ZFPM2: variants seen among roughly 807,000 people sequenced by gnomAD.
ZFPM2 encodes the protein zinc finger protein ZFPM2.
ZFPM2 carries 20 observed loss-of-function variants against 98.6 expected under a neutral mutation model. The observed-to-expected ratio is 0.20, with a 90% CI of 0.14 to 0.29. The LOEUF is 0.29. Ranked by LOEUF, ZFPM2 falls within the 10% of genes least tolerant of loss-of-function variation. The pLI is 1.00. For missense variants in ZFPM2, 1,310 were observed against 1,388.6 expected (o/e 0.94, Z 0.90); for synonymous variants, 518 against 502.7 (o/e 1.03, Z -0.41).
intron 5 of ZFPM2, among the ~76,000 whole-genome samples, chr8:105,734,780 T>G (rs1310205795): frequency 1.3e-5 from 2 of 151,932 alleles, no homozygotes; most frequent in Non-Finnish European, 2.9e-5. Flanking sequence ...TGTTGAAGTC[T>G]GCAAGCTACC....
intron 1 of ZFPM2, among the ~76,000 whole-genome samples, chr8:105,342,635 A>C (rs1442585939): frequency 6.6e-6 from 1 of 152,018 alleles, no homozygotes; most frequent in Non-Finnish European, 1.5e-5. Context: ...GCAAGTTCTT[A>C]ACTTATATTT....
At chr8:105,471,029 A>C (rs567640873) in intron 3 of ZFPM2, among the ~76,000 whole-genome samples, 4 of 152,258 alleles carry the variant, frequency 2.6e-5, no homozygotes, top group African/African-American at 7.2e-5. Flanking sequence ...CTTATTACAT[A>C]TTGAAAATCT....
At chr8:105,453,211 G>T (rs1812521812) in intron 3 of ZFPM2, among the ~76,000 whole-genome samples, 1 of 152,116 alleles carries the variant, frequency 6.6e-6, no homozygotes, top group Admixed American at 6.5e-5. Context: ...TCAGTGGTAG[G>T]CCCTAGGATA....
At chr8:105,579,695 G>A (rs1242630720) in intron 4 of ZFPM2, among the ~76,000 whole-genome samples, 1 of 152,124 alleles carries the variant, frequency 6.6e-6, no homozygotes, top group Non-Finnish European at 1.5e-5. Flanking sequence ...TCAGCCTCTC[G>A]TTGCACTGTG....
At chr8:105,715,816 G>C (rs938871741) in intron 5 of ZFPM2, among the ~76,000 whole-genome samples, 1 of 152,032 alleles carries the variant, frequency 6.6e-6, no homozygotes, top group African/African-American at 2.4e-5. Flanking sequence ...AAGCATTGTA[G>C]ATTCTTGGAC....
chr8:105,456,136 C>A (rs1454759617), intron 3 of ZFPM2, among the ~76,000 whole-genome samples: 2 of 143,372 alleles, frequency 1.4e-5, no homozygotes, highest in Non-Finnish European at 3.0e-5. Flanking sequence ...ATGGGGAAAA[C>A]CAGGAAAATG....
chr8:105,684,491 A>G (rs1298652170), intron 5 of ZFPM2, among the ~76,000 whole-genome samples: 1 of 152,140 alleles, frequency 6.6e-6, no homozygotes, highest in Non-Finnish European at 1.5e-5. Flanking sequence ...GCAGGGAGCC[A>G]AAAGAAAATA....
chr8:105,605,743 A>G (rs2130790858), intron 4 of ZFPM2, among the ~76,000 whole-genome samples: 1 of 152,160 alleles, frequency 6.6e-6, no homozygotes, highest in Admixed American at 6.6e-5. Flanking sequence ...ATATGTTGAG[A>G]ATTGCTCAGT....
intron 3 of ZFPM2, among the ~76,000 whole-genome samples, chr8:105,455,171 A>T (rs534881614): frequency 6.6e-6 from 1 of 152,316 alleles, no homozygotes; most frequent in South Asian, 2.1e-4. Flanking sequence ...AAAATTTTTT[A>T]AAAATCTAAA....
intron 4 of ZFPM2, among the ~76,000 whole-genome samples, chr8:105,574,257 G>T (rs1274860862): frequency 1.3e-5 from 2 of 152,164 alleles, no homozygotes; most frequent in South Asian, 4.1e-4. Context: ...GCCTAGATAA[G>T]TAAACGGTAT....
chr8:105,507,078 A>G (rs1813718716), intron 3 of ZFPM2, among the ~76,000 whole-genome samples: 1 of 152,158 alleles, frequency 6.6e-6, no homozygotes, highest in Non-Finnish European at 1.5e-5. Context: ...AGATGGATCT[A>G]GGAGTGTCAG....
intron 3 of ZFPM2, among the ~76,000 whole-genome samples, chr8:105,527,141 G>T (rs553880352): frequency 1.3e-5 from 2 of 152,244 alleles, no homozygotes; most frequent in East Asian, 3.9e-4. Context: ...CCTGAGTCTG[G>T]TTCAGACCTC....
At chr8:105,482,370 G>T (rs1231255494) in intron 3 of ZFPM2, among the ~76,000 whole-genome samples, 1 of 151,960 alleles carries the variant, frequency 6.6e-6, no homozygotes, top group Non-Finnish European at 1.5e-5. Context: ...GTAGCATACA[G>T]GCAGATTTTT....
At chr8:105,792,694 C>G (rs1813656569) in intron 6 of ZFPM2, among the ~76,000 whole-genome samples, 1 of 152,114 alleles carries the variant, frequency 6.6e-6, no homozygotes, top group African/African-American at 2.4e-5. Flanking sequence ...GTGTTAAAGT[C>G]TCCCATTATT....
chr8:105,728,331 G>A (rs1298007015), intron 5 of ZFPM2, among the ~76,000 whole-genome samples: 1 of 151,628 alleles, frequency 6.6e-6, no homozygotes, highest in Non-Finnish European at 1.5e-5. Context: ...AAGCGACTCC[G>A]AAAATCTCAG....
chr8:105,795,851 G>A, intron 6 of ZFPM2: 1 of 463,928 alleles, frequency 2.2e-6, no homozygotes, highest in South Asian at 1.6e-5. Flanking sequence ...GAAAACACAT[G>A]AGTAGCAGAC....
At chr8:105,693,742 T>C (rs1384393283) in intron 5 of ZFPM2, among the ~76,000 whole-genome samples, 2 of 152,064 alleles carry the variant, frequency 1.3e-5, no homozygotes, top group Non-Finnish European at 2.9e-5. Flanking sequence ...TGGTGTATTA[T>C]CCAATTTTTA....
At chr8:105,435,154 ACT>A (rs1194551738) in intron 2 of ZFPM2, among the ~76,000 whole-genome samples, 1 of 152,006 alleles carries the variant, frequency 6.6e-6, no homozygotes, top group African/African-American at 2.4e-5. Context: ...CTCCTATAGG[ACT>A]CTCATTGATT....
At position 105,555,376 on chromosome 8, in the gene ZFPM2, G is replaced by A. The variant is rs542514067; in HGVS notation, c.302-5987G>A. Among the ~76,000 whole-genome samples, 9 of 151,834 alleles carry A rather than the reference G, an allele frequency of 5.9e-5. No individual in the cohort carries two copies. In the East Asian group the frequency reaches 1.8e-3, roughly 30 times the overall value. The stretch of plus-strand genomic sequence containing the variant: ...TATAGATGAGGTAATGTATGTGAAC[G>A]CATTACATAGAAGGTTGAACAAGTG... On this transcript the variant is annotated intron_variant, in intron 3 of 7. Coordinates refer to ENST00000407775, the MANE Select transcript of ZFPM2 (RefSeq NM_012082.4).
Sources: allele counts gnomAD v4.1 joint callset (sites outside exome capture counted in the v4.1 genomes callset), GRCh38; gene constraint gnomAD v4.1.1; transcripts MANE v1.5; gene names NCBI Gene and HGNC (gene_info 2026-07-23, HGNC 2026-07-21).